Variants in KANSL1 observed in about 807,000 individuals in gnomAD.
KANSL1 encodes the protein KAT8 regulatory NSL complex subunit 1, also known as MLL1/MLL complex subunit KANSL1.
Under a neutral mutation model 103.6 loss-of-function variants are expected in KANSL1, and 22 were observed. That is an observed-to-expected ratio of 0.21 (90% CI 0.15 to 0.30). KANSL1 has a LOEUF of 0.30. Among genes scored for constraint, KANSL1 ranks in the 10% least tolerant of loss-of-function variants. KANSL1 has a pLI of 1.00. For missense variants in KANSL1, 1,337 were observed against 1,399.8 expected (o/e 0.96, Z 0.72); for synonymous variants, 600 against 527.6 (o/e 1.14, Z -1.88).
At chr17:46,216,338 C>T (rs2048337148) in intron 1 of KANSL1, among the ~76,000 whole-genome samples, 1 of 152,052 alleles carries the variant, frequency 6.6e-6, no homozygotes, top group African/African-American at 2.4e-5. Context: ...ATGGGCCAGA[C>T]TTGGTGACTC....
intron 1 of KANSL1, among the ~76,000 whole-genome samples, chr17:46,184,030 C>G (rs897215319): frequency 6.6e-5 from 10 of 152,216 alleles, no homozygotes; most frequent in Non-Finnish European, 1.2e-4. Flanking sequence ...TCCTCCTGCT[C>G]CTCAACATTG....
intron 2 of KANSL1, among the ~76,000 whole-genome samples, chr17:46,124,305 G>A (rs1014755275): frequency 2.0e-5 from 3 of 152,214 alleles, no homozygotes; most frequent in African/African-American, 7.2e-5. Context: ...AACAAAGCCA[G>A]GATGTCAGAA....
chr17:46,099,938 TA>T (rs67668514), intron 2 of KANSL1, among the ~76,000 whole-genome samples: 21,653 of 152,032 alleles, frequency 0.14, 2,116 homozygotes, highest in Non-Finnish European at 0.22. Context: ...GCAGTATCAA[TA>T]TTTGCTTTTG....
chr17:46,147,285 G>A (rs1435228623), intron 2 of KANSL1, among the ~76,000 whole-genome samples: 3 of 152,124 alleles, frequency 2.0e-5, no homozygotes, highest in Non-Finnish European at 2.9e-5. Context: ...GGTGAAAAAC[G>A]TCAACCAGAC....
At chr17:46,034,769 T>C (rs572910894) in intron 10 of KANSL1, 16 of 159,988 alleles carry the variant, frequency 1.0e-4, no homozygotes, top group Non-Finnish European at 1.8e-4. Context: ...CTAACCTTGG[T>C]TGTCATGAAT....
intron 2 of KANSL1, among the ~76,000 whole-genome samples, chr17:46,157,658 G>A (rs568967979): frequency 5.9e-5 from 9 of 152,308 alleles, no homozygotes; most frequent in South Asian, 2.1e-4. Context: ...TAAGCAAACC[G>A]CCTGCAAATA....
rs556815810 is a variant in KANSL1, at chr17:46,114,273, C to G, written c.1290-19572G>C. On this transcript the variant is annotated intron_variant, in intron 2 of 14. Transcript: ENST00000432791. Reference sequence around the variant, plus strand: ...ACTCGGGAGGCTGAGGCAGGAGAATCGCTTGAACCCAGGAGGCGGAGGTTG... The same window carrying G: ...ACTCGGGAGGCTGAGGCAGGAGAATGGCTTGAACCCAGGAGGCGGAGGTTG... Among the ~76,000 whole-genome samples, 196 of 152,160 alleles carry G rather than the reference C, an allele frequency of 1.3e-3. 5 individuals are homozygous for G. Among genetic ancestry groups the G allele is most frequent in the Admixed American group, 0.013 (195 of 15,282 alleles).
chr17:46,068,439 T>C (rs1322178924), intron 4 of KANSL1, among the ~76,000 whole-genome samples: 1 of 151,880 alleles, frequency 6.6e-6, no homozygotes, highest in Non-Finnish European at 1.5e-5. Context: ...TGGTGGTGCG[T>C]GCATGTAGTC....
intron 1 of KANSL1, among the ~76,000 whole-genome samples, chr17:46,216,042 T>G (rs931041272): frequency 1.3e-5 from 2 of 151,052 alleles, no homozygotes; most frequent in African/African-American, 2.4e-5. Context: ...TCCGTCTCAA[T>G]AGTAATAATA....
chr17:46,179,706 G>A (rs1178197674), intron 1 of KANSL1, among the ~76,000 whole-genome samples: 8 of 152,240 alleles, frequency 5.3e-5, no homozygotes, highest in Non-Finnish European at 1.0e-4. Context: ...TGGCATTCTA[G>A]TGAGAGGAAA....
upstream of KANSL1, among the ~76,000 whole-genome samples, chr17:46,197,380 T>A (rs2047646937): frequency 6.6e-6 from 1 of 152,224 alleles, no homozygotes; most frequent in South Asian, 2.1e-4. Flanking sequence ...TGGTGGCTCA[T>A]GCCTGTAATC....
chr17:46,202,638 A>G (rs975092273), intron 1 of KANSL1, among the ~76,000 whole-genome samples: 2 of 152,236 alleles, frequency 1.3e-5, no homozygotes, highest in African/African-American at 4.8e-5. Context: ...AAAAGAGACC[A>G]TAAGTTACCG....
At chr17:46,079,071 G>GAA (rs1348048346) in intron 4 of KANSL1, among the ~76,000 whole-genome samples, 4 of 152,094 alleles carry the variant, frequency 2.6e-5, no homozygotes, top group African/African-American at 9.7e-5. Context: ...TTCCTCCTTA[G>GAA]GTCTTCCCTT....
At chr17:46,142,651 T>C (rs1332089436) in intron 2 of KANSL1, among the ~76,000 whole-genome samples, 3 of 152,220 alleles carry the variant, frequency 2.0e-5, no homozygotes, top group Non-Finnish European at 4.4e-5. Context: ...CATATGAGAA[T>C]GTTCAACTTC....
Position 46,121,039 on chromosome 17 carries a change from C to T in KANSL1, c.1290-26338G>A, listed in dbSNP as rs536155348. 2.0e-5 allele frequency among the ~76,000 whole-genome samples: 3 copies of T among 152,216 alleles called. No homozygotes were observed. The South Asian group carries it at 6.2e-4, about 31-fold the overall frequency. On this transcript the variant is annotated intron_variant, in intron 2 of 14. Coordinates refer to ENST00000432791, the MANE Select transcript of KANSL1 (RefSeq NM_015443.4). ...ATTCCTTCCTCTTTTATAACCCATA[C>T]ATCCAGCCCATCAGCAAATCCTACC...
intron 2 of KANSL1, among the ~76,000 whole-genome samples, chr17:46,097,505 T>G (rs1043960846): frequency 1.3e-5 from 2 of 152,230 alleles, no homozygotes; most frequent in African/African-American, 4.8e-5. Flanking sequence ...CTCCTCATTA[T>G]CTCTGGAAAG....
intron 2 of KANSL1, among the ~76,000 whole-genome samples, chr17:46,124,607 A>C (rs913469579): frequency 6.6e-6 from 1 of 152,220 alleles, no homozygotes; most frequent in African/African-American, 2.4e-5. Flanking sequence ...ATCTGGGCAA[A>C]GTAAATTGAA....
upstream of KANSL1, chr17:46,196,314 A>G: frequency 2.2e-6 from 1 of 455,866 alleles, no homozygotes; most frequent in South Asian, 1.6e-5. Flanking sequence ...ACTCTCCAAT[A>G]TCCACTCTAT....
At chr17:46,156,926 TA>T (rs1318294594) in intron 2 of KANSL1, 1 of 135,886 alleles carries the variant, frequency 7.4e-6, no homozygotes, top group Non-Finnish European at 1.7e-5. Context: ...ATCAGTCACA[TA>T]AATTACTCAT....
Sources: allele counts gnomAD v4.1 joint callset (sites outside exome capture counted in the v4.1 genomes callset), GRCh38; gene constraint gnomAD v4.1.1; transcripts MANE v1.5; gene names NCBI Gene and HGNC (gene_info 2026-07-23, HGNC 2026-07-21).